The following ZNF473 variants were observed in gnomAD, a reference collection of about 807,000 sequenced individuals.
The protein encoded by ZNF473 is zinc finger protein 473, also known as zinc finger protein 100 homolog.
A neutral mutation model predicts 11.1 loss-of-function variants in ZNF473; 4 were observed. That is an observed-to-expected ratio of 0.36 (90% CI 0.18 to 0.82). The LOEUF (loss-of-function observed/expected upper bound fraction) is 0.82, where lower values mean the gene tolerates loss of function less well. ZNF473 is among the 40% of genes least tolerant of loss of function. The pLI is 0.49. For synonymous variants in ZNF473, 404 were observed against 390.4 expected, an observed-to-expected ratio of 1.03 and a Z score of -0.41; for missense variants, 854 against 1,084.0, an observed-to-expected ratio of 0.79 and a Z score of 2.98.
In ZNF473 at chr19:50,030,952, G is replaced by A. The variant is rs1408766691; in HGVS notation, c.-131G>A. ...GACATTTTGGGGGCTCGTCAGCATG[G>A]ACAGCGAGTCAGCCATGGGTGGAAG... On this transcript the variant is annotated 5_prime_UTR_variant, in exon 2 of 5. Coordinates refer to ENST00000270617, the MANE Select transcript of ZNF473 (RefSeq NM_015428.4). 1.8e-5 allele frequency: 24 copies of A among 1,362,466 alleles called. No individual in the cohort carries two copies. Among genetic ancestry groups the A allele is most frequent in the Non-Finnish European group, 2.4e-5 (23 of 977,582 alleles). The allele number at this position is 1,362,466 out of a possible 1,614,324, so 84.4% of individuals were successfully genotyped here. A position where few individuals can be genotyped will look rare whatever the true frequency, so the allele number is the denominator to read the frequency against.
At position 50,046,571 on chromosome 19, in the gene ZNF473, A is replaced by G; in HGVS notation, c.2128A>G (p.Thr710Ala). Residue 710 changes from threonine to alanine, a missense_variant, in exon 5 of 5, where the codon ACG becomes GCG. Thr to Ala is a moderately conservative substitution (Grantham distance 58, BLOSUM62 0). This residue lies in a region of ZNF473 where 186 missense variants were observed against 293.8 expected (regional missense o/e 0.63). Coordinates refer to ENST00000270617, the MANE Select transcript of ZNF473 (RefSeq NM_015428.4). This position sits in a 1 kb window ranked among gnomAD's most constrained non-coding sequence, Gnocchi z 5.9. ...KPLVCNECGKTFRQSSCLSKH... is the reference protein window; with the variant it reads ...KPLVCNECGKAFRQSSCLSKH... ...GTTGGTGTGTAACGAATGCGGGAAA[A>G]CGTTCCGTCAGAGCTCATGCCTTTC... is the stretch of plus-strand genomic sequence containing the variant. 6.2e-7 allele frequency: 1 copy of G among 1,614,168 alleles called. No homozygotes were observed. Among genetic ancestry groups the G allele is most frequent in the Non-Finnish European group, 8.5e-7 (1 of 1,180,030 alleles).
intron 3 of ZNF473, 58 bp from the exon 4 acceptor site, chr19:50,041,672 A>G: frequency 6.9e-7 from 1 of 1,447,892 alleles, no homozygotes; most frequent in South Asian, 1.3e-5. Context: ...GTTCTCACTG[A>G]GTGTCTGGAT....
chr19:50,036,497 T>TTG (rs58078720), intron 2 of ZNF473, among the ~76,000 whole-genome samples: 1 of 144,170 alleles, frequency 6.9e-6, no homozygotes, highest in African/African-American at 2.5e-5. Flanking sequence ...TTTTTTTTTT[T>TTG]GCATTTTTAG....
intron 2 of ZNF473, among the ~76,000 whole-genome samples, chr19:50,033,973 G>T (rs1171165564): frequency 6.6e-6 from 1 of 152,164 alleles, no homozygotes; most frequent in African/African-American, 2.4e-5. Flanking sequence ...TAATATTCAT[G>T]GGTTCTGGGA....
intron 2 of ZNF473, 123 bp downstream of exon 2, chr19:50,031,214 G>A (rs2077316331): frequency 6.6e-6 from 9 of 1,359,472 alleles, no homozygotes; most frequent in South Asian, 1.2e-5. Flanking sequence ...TGGCAGGAAA[G>A]CTGGCCTTCC....
At chr19:50,035,113 G>A (rs1182943280) in intron 2 of ZNF473, among the ~76,000 whole-genome samples, 1 of 152,078 alleles carries the variant, frequency 6.6e-6, no homozygotes, top group African/African-American at 2.4e-5. Flanking sequence ...GCAACGTGGT[G>A]AAACCCCATC....
At chr19:50,032,605 T>C (rs1463751713) in intron 2 of ZNF473, among the ~76,000 whole-genome samples, 1 of 152,184 alleles carries the variant, frequency 6.6e-6, no homozygotes, top group Admixed American at 6.5e-5. Context: ...CCTGCCCTCA[T>C]GAAGCTTACT....
chr19:50,042,616 AG>A (rs1978838069), intron 4 of ZNF473: 1 of 152,262 alleles, frequency 6.6e-6, no homozygotes, highest in Non-Finnish European at 1.5e-5. Context: ...TTCCAAACAT[AG>A]GTAGCCATGC....
intron 1 of ZNF473, among the ~76,000 whole-genome samples, chr19:50,026,550 T>TAAA (rs71180669): frequency 8.4e-6 from 1 of 119,334 alleles, no homozygotes; most frequent in Non-Finnish European, 1.8e-5. Flanking sequence ...GACTACATCT[T>TAAA]AAAAAAAAAA....
intron 2 of ZNF473, among the ~76,000 whole-genome samples, chr19:50,037,054 A>G (rs1047278499): frequency 1.3e-5 from 2 of 152,196 alleles, no homozygotes; most frequent in Non-Finnish European, 2.9e-5. Flanking sequence ...GCATTGAACC[A>G]TTGCCGGCAT....
Position 50,046,048 on chromosome 19 carries a change from T to C in ZNF473, c.1605T>C (p.Ser535=), listed in dbSNP as rs2122861497. The part of the protein sequence containing the change: ...ICGSTLKCHE[S]VHAREKQGFF... ...GCTCAACCCTGAAGTGCCACGAGAG[T>C]GTTCACGCCAGAGAAAAACAAGGAT... Residue 535 remains serine (S), a synonymous_variant, in exon 5 of 5, where the codon AGT becomes AGC. Transcript: ENST00000270617. This position sits in a 1 kb window ranked among gnomAD's most constrained non-coding sequence, Gnocchi z 5.9. 6.2e-7 allele frequency: 1 copy of C among 1,613,960 alleles called. No homozygotes were observed.
intron 1 of ZNF473, among the ~76,000 whole-genome samples, chr19:50,026,816 C>T (rs1258290428): frequency 6.6e-6 from 1 of 152,024 alleles, no homozygotes; most frequent in Non-Finnish European, 1.5e-5. Context: ...GAAAAGAAAA[C>T]TGCTAAAGGG....
intron 2 of ZNF473, among the ~76,000 whole-genome samples, chr19:50,038,823 A>G (rs1978612700): frequency 6.6e-6 from 1 of 152,180 alleles, no homozygotes; most frequent in Admixed American, 6.5e-5. Context: ...ATACATCTCT[A>G]CTTGTATGTA....
chr19:50,033,203 A>C (rs895894246), intron 2 of ZNF473, among the ~76,000 whole-genome samples: 1 of 152,140 alleles, frequency 6.6e-6, no homozygotes, highest in Admixed American at 6.5e-5. Flanking sequence ...TTGCTGTTTT[A>C]TACAGAGGGG....
At chr19:50,026,611 C>G (rs1006623174) in intron 1 of ZNF473, among the ~76,000 whole-genome samples, 139 of 149,734 alleles carry the variant, frequency 9.3e-4, no homozygotes, top group African/African-American at 3.2e-3. Context: ...GTGGGCGGAT[C>G]GCTTGAGCCC....
chr19:50,031,430 T>C (rs1797527203), intron 2 of ZNF473, among the ~76,000 whole-genome samples: 1 of 152,226 alleles, frequency 6.6e-6, no homozygotes, highest in African/African-American at 2.4e-5. Flanking sequence ...AAATACTCCC[T>C]TTGGCCTAGT....
chr19:50,041,951 G>A (rs1021911097), intron 4 of ZNF473, 132 bp downstream of exon 4: 11 of 678,988 alleles, frequency 1.6e-5, no homozygotes, highest in Middle Eastern at 4.1e-4. Flanking sequence ...TCTGCTTCTC[G>A]CTGGCTTCCA....
chr19:50,039,139 C>T lies in ZNF473; in HGVS notation c.10-22C>T, dbSNP rs748719663. 1 of 1,613,558 alleles carries T rather than the reference C, an allele frequency of 6.2e-7. No individual in the cohort carries two copies. The highest frequency in any genetic ancestry group is 1.1e-5 in the South Asian group (1 of 91,050). ...CTCCCTGACCCCAGCCTCTGAGTGACCAATAGTGTACTGTGTTTCAGGAAT... is the reference window on the plus strand; with the variant it reads ...CTCCCTGACCCCAGCCTCTGAGTGATCAATAGTGTACTGTGTTTCAGGAAT... On this transcript the variant is annotated intron_variant, in intron 2 of 4. Transcript: ENST00000270617. This position sits in a 1 kb window ranked among gnomAD's most constrained non-coding sequence, Gnocchi z 4.8.
At chr19:50,029,381 C>T (rs141645155) in intron 1 of ZNF473, among the ~76,000 whole-genome samples, 130 of 152,310 alleles carry the variant, frequency 8.5e-4, no homozygotes, top group African/African-American at 2.9e-3. Flanking sequence ...CTCCTGACCT[C>T]GTGATCCGCC....
Sources: gnomAD v4.1 joint callset for allele counts (sites outside exome capture counted in the v4.1 genomes callset) on GRCh38, gnomAD v4.1.1 for gene constraint, gnomAD v4.1.1 regional missense constraint, Gnocchi (gnomAD v3.1) non-coding constraint, MANE v1.5 for transcripts, NCBI Gene and HGNC (gene_info 2026-07-23, HGNC 2026-07-21) for gene names.